CAST: variants seen among roughly 807,000 people sequenced by gnomAD.
CAST encodes the protein calpastatin.
Under a neutral mutation model 119.6 loss-of-function variants are expected in CAST, and 76 were observed. That is an observed-to-expected ratio of 0.64 (90% CI 0.53 to 0.77). The LOEUF (loss-of-function observed/expected upper bound fraction) is 0.77. Ranked by LOEUF, CAST falls within the 30% of genes least tolerant of loss-of-function variation. The pLI is 0.00. For synonymous variants in CAST, 319 were observed against 331.6 expected (o/e 0.96, Z 0.41); for missense variants, 953 against 946.5 (o/e 1.01, Z -0.09).
chr5:96,445,169 A>G, the CAST span, among the ~76,000 whole-genome samples: 3 of 152,186 alleles, frequency 2.0e-5, no homozygotes, highest in Non-Finnish European at 4.4e-5. Flanking sequence ...TCCACACTTA[A>G]CTGTGCCTGG....
At chr5:95,973,990 C>T in the CAST span, among the ~76,000 whole-genome samples, 12 of 145,740 alleles carry the variant, frequency 8.2e-5, no homozygotes, top group Non-Finnish European at 1.8e-4. Flanking sequence ...AGTCAAAATG[C>T]AAAAATTTGC....
chr5:96,232,202 A>C, the CAST span, among the ~76,000 whole-genome samples: 2 of 152,192 alleles, frequency 1.3e-5, no homozygotes, highest in East Asian at 3.9e-4. Context: ...CCCACCCTAA[A>C]TCTATGAACT....
At chr5:96,541,492 A>T (rs1190879940) in intron 1 of CAST, among the ~76,000 whole-genome samples, 1 of 152,146 alleles carries the variant, frequency 6.6e-6, no homozygotes, top group Non-Finnish European at 1.5e-5. Context: ...ATTTGCATAC[A>T]TGAAGGTTTG....
At chr5:96,463,906 C>T in the CAST span, among the ~76,000 whole-genome samples, 1 of 152,030 alleles carries the variant, frequency 6.6e-6, no homozygotes, top group East Asian at 1.9e-4. Flanking sequence ...CCATCTTTAA[C>T]TTCTCTATTT....
At chr5:96,609,271 C>A (rs148328397) in intron 1 of CAST, among the ~76,000 whole-genome samples, 1 of 152,272 alleles carries the variant, frequency 6.6e-6, no homozygotes, top group African/African-American at 2.4e-5. Context: ...TTTTAGAGAG[C>A]CTCTCTCTGT....
chr5:96,484,886 T>C, the CAST span, among the ~76,000 whole-genome samples: 1 of 152,168 alleles, frequency 6.6e-6, no homozygotes, highest in Non-Finnish European at 1.5e-5. Context: ...GTGAGAACTC[T>C]ATGCAAAGAA....
chr5:96,261,781 A>C, the CAST span, among the ~76,000 whole-genome samples: 1 of 152,222 alleles, frequency 6.6e-6, no homozygotes, highest in African/African-American at 2.4e-5. Context: ...CTTTTAGTTA[A>C]TTTAAATTTA....
At chr5:96,457,191 C>T in the CAST span, among the ~76,000 whole-genome samples, 2 of 152,162 alleles carry the variant, frequency 1.3e-5, no homozygotes, top group Non-Finnish European at 2.9e-5. Flanking sequence ...ATCCTCACAT[C>T]TGACTAATTC....
At chr5:96,768,567 C>T (rs537906397) in intron 29 of CAST, 8 of 340,974 alleles carry the variant, frequency 2.3e-5, no homozygotes, top group Middle Eastern at 4.3e-4. Context: ...CACTGCTTAA[C>T]GTTATTTCTT....
intron 3 of CAST, among the ~76,000 whole-genome samples, chr5:96,720,451 T>C (rs1004382015): frequency 1.3e-5 from 2 of 152,248 alleles, no homozygotes; most frequent in Non-Finnish European, 2.9e-5. Context: ...TTGAACAAGC[T>C]GTAGCCAGAA....
At chr5:96,178,533 C>G in the CAST span, among the ~76,000 whole-genome samples, 1 of 152,096 alleles carries the variant, frequency 6.6e-6, no homozygotes, top group Admixed American at 6.5e-5. Context: ...AAAAAAGAAG[C>G]CTTTCCTTCT....
chr5:96,499,634 TTTTG>T, the CAST span, among the ~76,000 whole-genome samples: 1 of 152,226 alleles, frequency 6.6e-6, no homozygotes, highest in Non-Finnish European at 1.5e-5. Context: ...TGACTCTTCC[TTTTG>T]TGAAAGATTT....
chr5:96,004,938 A>T, the CAST span, among the ~76,000 whole-genome samples: 3 of 151,984 alleles, frequency 2.0e-5, no homozygotes, highest in East Asian at 5.8e-4. Context: ...CTCCAGAGAG[A>T]TCAGGTTACA....
chr5:96,729,754 T>C, intron 8 of CAST, 29 bp downstream of exon 8: 1 of 936,062 alleles, frequency 1.1e-6, no homozygotes, highest in Non-Finnish European at 1.8e-6. Flanking sequence ...TAGGAAAACC[T>C]TAACATCAAC....
chr5:96,625,771 A>T (rs532158509), intron 1 of CAST, among the ~76,000 whole-genome samples: 151 of 152,280 alleles, frequency 9.9e-4, no homozygotes, highest in African/African-American at 3.6e-3. Flanking sequence ...GCTTCGTTGG[A>T]TGCACTGCAG....
the CAST span, among the ~76,000 whole-genome samples, chr5:96,137,517 A>G: frequency 6.6e-6 from 1 of 152,160 alleles, no homozygotes; most frequent in Admixed American, 6.5e-5. Flanking sequence ...AATTAGGTAG[A>G]TACCTAGGAG....
chr5:96,016,829 G>GTTTT, the CAST span, among the ~76,000 whole-genome samples: 185 of 97,672 alleles, frequency 1.9e-3, 2 homozygotes, highest in African/African-American at 3.9e-3. Context: ...GGTTATCTGG[G>GTTTT]TTTTTTTTTT....
the CAST span, among the ~76,000 whole-genome samples, chr5:96,082,712 G>T: frequency 6.6e-6 from 1 of 152,044 alleles, no homozygotes; most frequent in Non-Finnish European, 1.5e-5. Context: ...TATAATAAAG[G>T]TATGGACAAA....
the CAST span, among the ~76,000 whole-genome samples, chr5:96,510,652 C>T: frequency 1.8e-4 from 27 of 152,294 alleles, no homozygotes; most frequent in African/African-American, 6.5e-4. Flanking sequence ...CCAAAACAAT[C>T]AGGGACATTT....
Sources: gnomAD v4.1 joint callset for allele counts (sites outside exome capture counted in the v4.1 genomes callset) on GRCh38, gnomAD v4.1.1 for gene constraint, MANE v1.5 for transcripts, NCBI Gene and HGNC (gene_info 2026-07-23, HGNC 2026-07-21) for gene names.